NR5A1: variants seen among roughly 807,000 people sequenced by gnomAD.
NR5A1 encodes steroidogenic factor 1.
A neutral mutation model predicts 42.7 loss-of-function variants in NR5A1; 6 were observed. The observed-to-expected ratio is 0.14, with a 90% CI of 0.08 to 0.28. The LOEUF is 0.28. Among genes scored for constraint, NR5A1 ranks in the 10% least tolerant of loss-of-function variants. NR5A1 has a pLI of 1.00. For missense variants in NR5A1, 442 were observed against 626.4 expected, an observed-to-expected ratio of 0.71 and a Z score of 3.14; for synonymous variants, 274 against 277.5, an observed-to-expected ratio of 0.99 and a Z score of 0.12.
In NR5A1 at chr9:124,496,170, A is replaced by G. The variant is rs1832387743; in HGVS notation, c.871-3021T>C. ...CACCAAACTCCAAAACACTCCCCAC[A>G]CAGATGAGAATGCGCACACACACAC... is the stretch of plus-strand genomic sequence containing the variant. On this transcript the variant is annotated intron_variant, in intron 4 of 6. Transcript: ENST00000373588. This position sits in a 1 kb window ranked among gnomAD's most constrained non-coding sequence, Gnocchi z 5.0. 6.6e-6 allele frequency among the ~76,000 whole-genome samples: 1 copy of G among 150,392 alleles called. No individual in the cohort carries two copies. The highest frequency in any genetic ancestry group is 2.1e-4 in the South Asian group (1 of 4,778).
At chr9:124,495,222 C>T (rs944743690) in intron 4 of NR5A1, among the ~76,000 whole-genome samples, 1 of 152,148 alleles carries the variant, frequency 6.6e-6, no homozygotes, top group Non-Finnish European at 1.5e-5. Context: ...GGGAGGGTCC[C>T]GGAGAGACTG....
intron 6 of NR5A1, among the ~76,000 whole-genome samples, chr9:124,488,158 G>C (rs1832251062): frequency 6.8e-6 from 1 of 146,386 alleles, no homozygotes; most frequent in African/African-American, 2.6e-5. Context: ...TTTTCACCCA[G>C]AATGCTCCTA....
At chr9:124,489,753 C>T (rs1162200244) in intron 6 of NR5A1, among the ~76,000 whole-genome samples, 1 of 136,370 alleles carries the variant, frequency 7.3e-6, no homozygotes, top group Non-Finnish European at 1.6e-5. Context: ...CTACCCGCCC[C>T]CCACCCCAAT....
intron 4 of NR5A1, among the ~76,000 whole-genome samples, chr9:124,495,618 T>TC (rs1307408449): frequency 6.6e-6 from 1 of 151,062 alleles, no homozygotes; most frequent in African/African-American, 2.4e-5. Context: ...GCCAGGCTTG[T>TC]CCCCCCGCCC....
Position 124,501,746 on chromosome 9 carries a change from C to A in NR5A1, c.245-1031G>T, listed in dbSNP as rs1012101801. 2.0e-5 allele frequency among the ~76,000 whole-genome samples: 3 copies of A among 152,186 alleles called. No homozygotes were observed. Among genetic ancestry groups the A allele is most frequent in the African/African-American group, 7.2e-5 (3 of 41,442 alleles). On this transcript the variant is annotated intron_variant, in intron 3 of 6. Transcript: ENST00000373588. This position sits in a 1 kb window ranked among gnomAD's most constrained non-coding sequence, Gnocchi z 4.1. ...GCTCTGGGGACAGGACAGGATGTCCCCTCTCCCATCCAGGAGTCCTTTCTC... is the reference window on the plus strand; with the variant it reads ...GCTCTGGGGACAGGACAGGATGTCCACTCTCCCATCCAGGAGTCCTTTCTC...
At chr9:124,492,894 T>TG in intron 5 of NR5A1, 136 bp downstream of exon 5, 1 of 1,093,688 alleles carries the variant, frequency 9.1e-7, no homozygotes, top group Admixed American at 2.9e-5. Flanking sequence ...TCCATGAACG[T>TG]GGGGAAAGGG....
rs1336025788 is a variant in NR5A1 at position 124,500,833 on chromosome 9, T to C, written c.245-118A>G. ...CTCTCCCCTGCTCAACACCCTTTCA[T>C]GGCTCCCACTGACCACAGGGGAAGT... On this transcript the variant is annotated intron_variant, in intron 3 of 6. Transcript: ENST00000373588. This position sits in a 1 kb window ranked among gnomAD's most constrained non-coding sequence, Gnocchi z 6.9. 2.8e-5 allele frequency: 41 copies of C among 1,487,498 alleles called. No individual in the cohort carries two copies. The highest frequency in any genetic ancestry group is 3.7e-5 in the Non-Finnish European group (40 of 1,074,248). The allele number at this position is 1,487,498 out of a possible 1,614,324, so 92.1% of individuals were successfully genotyped here.
At position 124,482,134 on chromosome 9, in the gene NR5A1, C is replaced by A. The variant is rs1832134527; in HGVS notation, c.*624G>T. On this transcript the variant is annotated 3_prime_UTR_variant, in exon 7 of 7. Coordinates refer to ENST00000373588, the MANE Select transcript of NR5A1 (RefSeq NM_004959.5). ...TTTTCCCGATGATGTATCAATGCCC[C>A]CTCTTGCAGAGGTCAGGTGGGGTAG... 1 of 154,852 alleles carries A rather than the reference C, an allele frequency of 6.5e-6. No individual in the cohort carries two copies. Among genetic ancestry groups the A allele is most frequent in the African/African-American group, 2.4e-5 (1 of 41,434 alleles). 9.6% of individuals were successfully genotyped at this position (154,852 alleles called of 1,614,324 possible). A position where few individuals can be genotyped will look rare whatever the true frequency, so the allele number is the denominator to read the frequency against.
chr9:124,496,257 C>A lies in NR5A1; in HGVS notation c.871-3108G>T, dbSNP rs1287264577. Among the ~76,000 whole-genome samples, 5 of 152,146 alleles carry A rather than the reference C, an allele frequency of 3.3e-5. No homozygotes were observed. In the East Asian group the frequency reaches 7.7e-4, roughly 23 times the overall value. ...CCACAGGGCCATAGCTGCCAGCCCC[C>A]CTGCATGAGAAAGCAGGTGGCTAAG... On this transcript the variant is annotated intron_variant, in intron 4 of 6. Coordinates refer to ENST00000373588, the MANE Select transcript of NR5A1 (RefSeq NM_004959.5). The surrounding 1 kb of genome is among the most constrained non-coding windows in gnomAD (Gnocchi z 5.0).
At chr9:124,487,031 G>T (rs1467876501) in intron 6 of NR5A1, among the ~76,000 whole-genome samples, 4 of 152,218 alleles carry the variant, frequency 2.6e-5, no homozygotes, top group East Asian at 3.9e-4. Context: ...CCGAAGGTTG[G>T]AGACCGGCAT....
intron 4 of NR5A1, among the ~76,000 whole-genome samples, chr9:124,497,676 G>A (rs1004097740): frequency 3.3e-5 from 5 of 152,130 alleles, no homozygotes; most frequent in Non-Finnish European, 7.4e-5. Flanking sequence ...AGCCAGCCCC[G>A]CAGCCATCCA....
chr9:124,494,879 G>A (rs568240635), intron 4 of NR5A1, among the ~76,000 whole-genome samples: 2 of 152,308 alleles, frequency 1.3e-5, no homozygotes, highest in South Asian at 4.1e-4. Flanking sequence ...CCACCTAGGG[G>A]CGGCCCCCAG....
chr9:124,493,580 A>T (rs1832347246), intron 4 of NR5A1, among the ~76,000 whole-genome samples: 1 of 152,212 alleles, frequency 6.6e-6, no homozygotes, highest in Non-Finnish European at 1.5e-5. Context: ...CCTTGTCCAC[A>T]TTTAAAAGCC....
intron 6 of NR5A1, among the ~76,000 whole-genome samples, chr9:124,489,910 G>A (rs1310212407): frequency 6.6e-6 from 1 of 152,090 alleles, no homozygotes; most frequent in Non-Finnish European, 1.5e-5. Flanking sequence ...ATGGCATGGA[G>A]GATGTCACCA....
At chr9:124,506,010 G>A (rs975778433) in intron 1 of NR5A1, among the ~76,000 whole-genome samples, 1 of 152,214 alleles carries the variant, frequency 6.6e-6, no homozygotes, top group Non-Finnish European at 1.5e-5. Flanking sequence ...CTTCAAGCAG[G>A]AAAATACCGC....
chr9:124,495,186 G>A (rs562896619), intron 4 of NR5A1, among the ~76,000 whole-genome samples: 4 of 152,246 alleles, frequency 2.6e-5, no homozygotes, highest in African/African-American at 7.2e-5. Context: ...ACCATCAGCC[G>A]TGTGCCCCCA....
At position 124,500,237 on chromosome 9, in the gene NR5A1, C is replaced by T. The variant is rs755684996; in HGVS notation, c.723G>A (p.Arg241=). ...CCTGCAGGCAGCCCAAGATGCGGGC[C>T]CGCACCTGGTCCTCATCCGGCTCCA... The part of the protein sequence containing the change: ...LQLEPDEDQV[R]ARILGCLQEP... Residue 241 remains arginine (R), a synonymous_variant, in exon 4 of 7, where the codon CGG becomes CGA. Coordinates refer to ENST00000373588, the MANE Select transcript of NR5A1 (RefSeq NM_004959.5). The surrounding 1 kb of genome is among the most constrained non-coding windows in gnomAD (Gnocchi z 6.9). 2.5e-6 allele frequency: 4 copies of T among 1,605,940 alleles called. No individual in the cohort carries two copies. The Admixed American group carries it at 6.8e-5, about 27-fold the overall frequency.
At position 124,493,768 on chromosome 9, in the gene NR5A1, A is replaced by G. The variant is rs1236126517; in HGVS notation, c.871-619T>C. The stretch of plus-strand genomic sequence containing the variant: ...CAGGGGGGCGGCAATGGCCTGGCAC[A>G]TGAAGCAGAAACGAACAGCAACAAG... On this transcript the variant is annotated intron_variant, in intron 4 of 6. Transcript: ENST00000373588. Among the ~76,000 whole-genome samples, 5 of 152,338 alleles carry G rather than the reference A, an allele frequency of 3.3e-5. No homozygotes were observed. In the East Asian group the frequency reaches 9.7e-4, roughly 29 times the overall value.
chr9:124,486,519 T>G (rs1002297144), intron 6 of NR5A1, among the ~76,000 whole-genome samples: 23 of 152,320 alleles, frequency 1.5e-4, no homozygotes, highest in Middle Eastern at 6.8e-3. Flanking sequence ...TGGGTCAAGC[T>G]GGGATGCATG....
Sources: gnomAD v4.1 joint callset for allele counts (sites outside exome capture counted in the v4.1 genomes callset) on GRCh38, gnomAD v4.1.1 for gene constraint, Gnocchi (gnomAD v3.1) non-coding constraint, MANE v1.5 for transcripts, NCBI Gene and HGNC (gene_info 2026-07-23, HGNC 2026-07-21) for gene names.